PSPC1: variants seen among roughly 807,000 people sequenced by gnomAD.
PSPC1 encodes paraspeckle component 1.
Under a neutral mutation model 51.6 loss-of-function variants are expected in PSPC1, and 14 were observed. The observed-to-expected ratio is 0.27, with a 90% CI of 0.18 to 0.42. The LOEUF (loss-of-function observed/expected upper bound fraction) is 0.42. Ranked by LOEUF, PSPC1 falls within the 10% of genes least tolerant of loss-of-function variation. The pLI is 1.00. For synonymous variants in PSPC1, 193 were observed against 231.9 expected, an observed-to-expected ratio of 0.83 and a Z score of 1.53; for missense variants, 406 against 701.1, an observed-to-expected ratio of 0.58 and a Z score of 4.75.
intron 6 of PSPC1, among the ~76,000 whole-genome samples, chr13:19,686,311 T>G (rs1047295396): frequency 6.6e-6 from 1 of 152,116 alleles, no homozygotes; most frequent in Non-Finnish European, 1.5e-5. Context: ...AGGACAAAAA[T>G]CGTACTCTTT....
At chr13:19,707,164 C>T (rs1056215657) in intron 7 of PSPC1, among the ~76,000 whole-genome samples, 14 of 151,884 alleles carry the variant, frequency 9.2e-5, no homozygotes, top group African/African-American at 2.2e-4. Flanking sequence ...ATGGTGGGTT[C>T]GGAAGTTTTC....
At chr13:19,706,989 C>T (rs1880760494) in intron 7 of PSPC1, among the ~76,000 whole-genome samples, 1 of 152,128 alleles carries the variant, frequency 6.6e-6, no homozygotes, top group African/African-American at 2.4e-5. Context: ...AATATTTCCG[C>T]TCCCTCAGTA....
chr13:19,727,058 C>G (rs544442559), intron 6 of PSPC1, among the ~76,000 whole-genome samples: 2 of 152,270 alleles, frequency 1.3e-5, no homozygotes, highest in South Asian at 2.1e-4. Flanking sequence ...TTATTCTTTT[C>G]TTTATTGAAA....
chr13:19,673,088 G>GT (rs754426334), downstream of PSPC1: 72 of 292,836 alleles, frequency 2.5e-4, no homozygotes, highest in Admixed American at 1.4e-3. Flanking sequence ...AACCTATACG[G>GT]TTTTTTTTTG....
At chr13:19,736,568 A>G (rs1453952303) in intron 5 of PSPC1, among the ~76,000 whole-genome samples, 1 of 152,112 alleles carries the variant, frequency 6.6e-6, no homozygotes, top group Admixed American at 6.5e-5. Context: ...CTGTAATCCT[A>G]GCTACTCCGG....
chr13:19,697,752 CT>C (rs913981719), downstream of PSPC1, among the ~76,000 whole-genome samples: 3 of 152,058 alleles, frequency 2.0e-5, no homozygotes, highest in African/African-American at 7.2e-5. Flanking sequence ...ATTTAGTTTA[CT>C]TTTTCTCAAT....
chr13:19,719,022 A>T (rs1466244848), intron 6 of PSPC1, among the ~76,000 whole-genome samples: 1 of 151,818 alleles, frequency 6.6e-6, no homozygotes, highest in East Asian at 1.9e-4. Flanking sequence ...AATACTCTGT[A>T]TGATGCTATA....
chr13:19,729,728 T>C (rs1883816801), intron 6 of PSPC1, among the ~76,000 whole-genome samples: 2 of 152,134 alleles, frequency 1.3e-5, no homozygotes, highest in Non-Finnish European at 2.9e-5. Flanking sequence ...ATAAAGATTT[T>C]TTTAAAAAGT....
chr13:19,671,492 C>T (rs1876123484), downstream of PSPC1, among the ~76,000 whole-genome samples: 2 of 152,148 alleles, frequency 1.3e-5, no homozygotes, highest in Admixed American at 6.5e-5. Flanking sequence ...AACTAGGTTG[C>T]AGCTGAGAAA....
intron 6 of PSPC1, among the ~76,000 whole-genome samples, chr13:19,690,247 T>C (rs573256679): frequency 8.5e-5 from 13 of 152,340 alleles, no homozygotes; most frequent in Non-Finnish European, 1.8e-4. Flanking sequence ...TAAAGTTCAA[T>C]TACTGGAAGA....
chr13:19,776,178 T>C (rs1320393600), intron 1 of PSPC1, among the ~76,000 whole-genome samples: 1 of 152,090 alleles, frequency 6.6e-6, no homozygotes, highest in Non-Finnish European at 1.5e-5. Flanking sequence ...CACAAACCAG[T>C]GGCTAGGCAT....
intron 2 of PSPC1, among the ~76,000 whole-genome samples, chr13:19,765,716 CAAAT>C (rs1288688140): frequency 6.7e-6 from 1 of 150,284 alleles, no homozygotes; most frequent in East Asian, 1.9e-4. Context: ...CTACAAATAA[CAAAT>C]AAGGAAATAT....
exon 8 of PSPC1, chr13:19,674,937 G>C (rs1321276702): frequency 6.6e-6 from 1 of 152,196 alleles, no homozygotes; most frequent in Non-Finnish European, 1.5e-5. Context: ...GGGATTTCTA[G>C]ACGTCTCCTT....
intron 7 of PSPC1, among the ~76,000 whole-genome samples, chr13:19,676,374 C>A (rs1954212036): frequency 1.3e-5 from 2 of 152,188 alleles, no homozygotes; most frequent in Admixed American, 6.5e-5. Flanking sequence ...GGCGATGCTG[C>A]TGGTCTAGGC....
At chr13:19,734,848 T>C (rs1884577135) in intron 5 of PSPC1, among the ~76,000 whole-genome samples, 1 of 150,528 alleles carries the variant, frequency 6.6e-6, no homozygotes, top group Non-Finnish European at 1.5e-5. Flanking sequence ...CGTGGTGGCG[T>C]GCACTTTTAA....
chr13:19,720,515 C>G (rs1017612571), intron 6 of PSPC1, among the ~76,000 whole-genome samples: 1 of 152,126 alleles, frequency 6.6e-6, no homozygotes, highest in African/African-American at 2.4e-5. Context: ...TTACCAGAGG[C>G]CTTGAAATTG....
At chr13:19,779,889 C>T (rs1889714979) in intron 1 of PSPC1, among the ~76,000 whole-genome samples, 1 of 124,348 alleles carries the variant, frequency 8.0e-6, no homozygotes, top group Non-Finnish European at 1.7e-5. Flanking sequence ...CCCGGCCAGC[C>T]GCCCCGTCCG....
At position 19,770,276 on chromosome 13, in the gene PSPC1, A is replaced by C. The variant is rs117991937; in HGVS notation, c.674+1966T>G. Among the ~76,000 whole-genome samples the C allele has an allele frequency of 3.9e-3, 587 of 152,322 alleles. 4 individuals carry two copies. The highest frequency in any genetic ancestry group is 8.5e-3 in the South Asian group (41 of 4,830). ...CAGGTAGAGTGCAGAATAACTGTAAAAGGGCACAAGGGAACTTCTGTGGGG... is the reference window on the plus strand; with the variant it reads ...CAGGTAGAGTGCAGAATAACTGTAACAGGGCACAAGGGAACTTCTGTGGGG... On this transcript the variant is annotated intron_variant, in intron 2 of 8. Transcript: ENST00000338910.
At chr13:19,688,400 C>T (rs1169698962) in intron 6 of PSPC1, among the ~76,000 whole-genome samples, 2 of 152,212 alleles carry the variant, frequency 1.3e-5, no homozygotes, top group Non-Finnish European at 1.5e-5. Flanking sequence ...GATTCCAACA[C>T]TTATTTTGTA....
Sources: gnomAD v4.1 joint callset for allele counts (sites outside exome capture counted in the v4.1 genomes callset) on GRCh38, gnomAD v4.1.1 for gene constraint, MANE v1.5 for transcripts, NCBI Gene and HGNC (gene_info 2026-07-23, HGNC 2026-07-21) for gene names.